Variants in NFIA observed in about 807,000 individuals in gnomAD.
NFIA encodes nuclear factor I A.
NFIA carries 8 observed loss-of-function variants against 62.8 expected under a neutral mutation model. The ratio of observed to expected loss-of-function variants is 0.13; its 90% CI spans 0.07 to 0.23. The LOEUF is 0.23. Ranked by LOEUF, NFIA falls within the 10% of genes least tolerant of loss-of-function variation. The pLI, the probability that NFIA is intolerant of heterozygous loss-of-function variation, is 1.00. For missense variants in NFIA, 410 were observed against 642.1 expected (o/e 0.64, Z 3.91); for synonymous variants, 235 against 238.1 (o/e 0.99, Z 0.12).
At chr1:61,205,959 C>T (rs1242840024) in intron 2 of NFIA, among the ~76,000 whole-genome samples, 2 of 143,822 alleles carry the variant, frequency 1.4e-5, no homozygotes, top group Non-Finnish European at 3.0e-5. Context: ...CTGTGTCACC[C>T]ATGCTGGAGT....
At chr1:61,234,133 C>G (rs1045878730) in intron 2 of NFIA, among the ~76,000 whole-genome samples, 1 of 151,752 alleles carries the variant, frequency 6.6e-6, no homozygotes, top group Non-Finnish European at 1.5e-5. Context: ...TTTGGGAGGC[C>G]GAGGCGGGCG....
chr1:61,238,645 T>C (rs1039272886), intron 2 of NFIA, among the ~76,000 whole-genome samples: 5 of 152,168 alleles, frequency 3.3e-5, no homozygotes, highest in African/African-American at 4.8e-5. Flanking sequence ...AGACCTAAGT[T>C]TGGCAGCGCA....
At chr1:61,297,953 C>T (rs759935185) in intron 3 of NFIA, among the ~76,000 whole-genome samples, 23 of 152,264 alleles carry the variant, frequency 1.5e-4, no homozygotes, top group Non-Finnish European at 2.8e-4. Context: ...CTTGGATAAT[C>T]GCCAAGTAGT....
At chr1:61,403,479 G>A (rs1193026041) in intron 7 of NFIA, among the ~76,000 whole-genome samples, 2 of 152,160 alleles carry the variant, frequency 1.3e-5, no homozygotes, top group African/African-American at 2.4e-5. Flanking sequence ...TACCCTGTGG[G>A]TTCCCCTGCT....
At chr1:61,117,672 T>C (rs1183820052) in intron 2 of NFIA, among the ~76,000 whole-genome samples, 1 of 152,246 alleles carries the variant, frequency 6.6e-6, no homozygotes, top group African/African-American at 2.4e-5. Context: ...ATTTCACTAA[T>C]AATCGTTGCT....
chr1:61,276,045 G>A (rs1273904341), intron 2 of NFIA, among the ~76,000 whole-genome samples: 1 of 151,914 alleles, frequency 6.6e-6, no homozygotes. Context: ...CTTCTCTGTG[G>A]CAATTGTTAC....
chr1:61,316,025 A>G (rs1177539284), intron 3 of NFIA, among the ~76,000 whole-genome samples: 1 of 152,168 alleles, frequency 6.6e-6, no homozygotes, highest in Non-Finnish European at 1.5e-5. Context: ...GGCTTGGCCA[A>G]TGTACTCTCT....
At position 61,462,312 on chromosome 1, in the gene NFIA, C is replaced by G. The variant is rs1440321537; in HGVS notation, c.*6992C>G. 2 of 152,170 alleles carry G rather than the reference C, an allele frequency of 1.3e-5. No homozygotes were observed. Among genetic ancestry groups the G allele is most frequent in the East Asian group, 3.9e-4 (2 of 5,178 alleles). The allele number at this position is 152,170 out of a possible 1,614,324, so 9.4% of individuals were successfully genotyped here. Reference sequence around the variant, plus strand: ...CCTGATCCCCCGCCCCACCCTTAGCCCTGCCCTCTCACCAGAGCAAAATTC... The same window carrying G: ...CCTGATCCCCCGCCCCACCCTTAGCGCTGCCCTCTCACCAGAGCAAAATTC... On this transcript the variant is annotated 3_prime_UTR_variant, in exon 11 of 11. Transcript: ENST00000403491.
At chr1:61,282,793 A>G (rs973529484) in intron 3 of NFIA, among the ~76,000 whole-genome samples, 1 of 152,206 alleles carries the variant, frequency 6.6e-6, no homozygotes, top group African/African-American at 2.4e-5. Context: ...ATTTCTCATC[A>G]CCTGCACAGA....
chr1:61,110,993 A>T (rs1161853034), intron 2 of NFIA, among the ~76,000 whole-genome samples: 1 of 152,156 alleles, frequency 6.6e-6, no homozygotes, highest in Non-Finnish European at 1.5e-5. Flanking sequence ...TAATATGAGC[A>T]TCAAAAATTA....
chr1:61,415,840 C>T (rs5016273), intron 9 of NFIA, among the ~76,000 whole-genome samples: 78,872 of 151,886 alleles, frequency 0.52, 20,670 homozygotes, highest in South Asian at 0.61. Context: ...ACATGTAAGC[C>T]GTGCATACAT....
rs1051090478 is a variant in NFIA, at chr1:61,429,554, T to C, written c.1512+2998T>C. ...TTTTGTCCCTAAGACTGCATTAAAA[T>C]ATAATCTTTAGCGTATACCCCCAAA... is the stretch of plus-strand genomic sequence containing the variant. On this transcript the variant is annotated intron_variant, in intron 10 of 10. Transcript: ENST00000403491. 3.3e-5 allele frequency among the ~76,000 whole-genome samples: 5 copies of C among 152,328 alleles called. No homozygotes were observed. In the East Asian group the frequency reaches 9.6e-4, roughly 29 times the overall value.
intron 3 of NFIA, among the ~76,000 whole-genome samples, chr1:61,297,972 G>A (rs569679788): frequency 2.6e-5 from 4 of 152,146 alleles, no homozygotes; most frequent in Non-Finnish European, 5.9e-5. Context: ...GTGTGGTATG[G>A]CCTTTGCAAG....
intron 2 of NFIA, chr1:61,248,989 A>C (rs965486457): frequency 6.6e-6 from 1 of 152,230 alleles, no homozygotes; most frequent in African/African-American, 2.4e-5. Context: ...TAAGTATGCA[A>C]CCAATCTGTG....
chr1:61,359,049 A>G lies in NFIA; in HGVS notation c.819-98A>G, dbSNP rs926433504. On this transcript the variant is annotated intron_variant, in intron 5 of 10. Transcript: ENST00000403491. ...TCCTAGAACTACATTAAGTTGCCCAATTGCTTCCTCCCTTGGCTTTCTTTC... is the reference window on the plus strand; with the variant it reads ...TCCTAGAACTACATTAAGTTGCCCAGTTGCTTCCTCCCTTGGCTTTCTTTC... 2.2e-5 allele frequency: 34 copies of G among 1,531,690 alleles called. No individual in the cohort carries two copies. The South Asian group carries it at 2.8e-4, about 13-fold the overall frequency. The allele number at this position is 1,531,690 out of a possible 1,614,324, so 94.9% of individuals were successfully genotyped here. A position where few individuals can be genotyped will look rare whatever the true frequency, so the allele number is the denominator to read the frequency against.
intron 2 of NFIA, among the ~76,000 whole-genome samples, chr1:61,100,432 C>T (rs780873924): frequency 6.6e-6 from 1 of 152,090 alleles, no homozygotes; most frequent in Non-Finnish European, 1.5e-5. Context: ...GTGATAGATT[C>T]CCGAGATGCA....
intron 2 of NFIA, among the ~76,000 whole-genome samples, chr1:61,236,635 A>G (rs1655031904): frequency 6.6e-6 from 1 of 151,504 alleles, no homozygotes; most frequent in African/African-American, 2.4e-5. Context: ...TTTTTTTTTC[A>G]AGAAAGGACT....
intron 2 of NFIA, among the ~76,000 whole-genome samples, chr1:61,234,698 A>T (rs1557653002): frequency 6.6e-6 from 1 of 152,208 alleles, no homozygotes; most frequent in Admixed American, 6.5e-5. Context: ...TCGTGTTACC[A>T]TAAAACTGTC....
chr1:61,257,344 T>G (rs1363523382), intron 2 of NFIA, among the ~76,000 whole-genome samples: 5 of 136,746 alleles, frequency 3.7e-5, no homozygotes, highest in South Asian at 2.6e-4. Flanking sequence ...TTTTTTTTTT[T>G]TTTTTTTTTT....
Sources: gnomAD v4.1 joint callset for allele counts (sites outside exome capture counted in the v4.1 genomes callset) on GRCh38, gnomAD v4.1.1 for gene constraint, MANE v1.5 for transcripts, NCBI Gene and HGNC (gene_info 2026-07-23, HGNC 2026-07-21) for gene names.